The following STK3 variants were observed in gnomAD, a reference collection of about 807,000 sequenced individuals.
STK3 encodes the protein serine/threonine kinase 3.
STK3 carries 41 observed loss-of-function variants against 58.0 expected under a neutral mutation model. The observed-to-expected ratio is 0.71, with a 90% CI of 0.55 to 0.92. The LOEUF is 0.92. STK3 is among the 40% of genes least tolerant of loss of function. The pLI, the probability that STK3 is intolerant of heterozygous loss-of-function variation, is 0.00. For missense variants in STK3, 479 were observed against 602.7 expected (o/e 0.79, Z 2.15); for synonymous variants, 170 against 191.0 (o/e 0.89, Z 0.91).
At chr8:98,421,736 A>T (rs1818176026) in intron 3 of STK3, among the ~76,000 whole-genome samples, 1 of 152,174 alleles carries the variant, frequency 6.6e-6, no homozygotes, top group Non-Finnish European at 1.5e-5. Context: ...AGATCGCACC[A>T]CTGCACTACA....
chr8:98,546,687 G>C (rs1810728952), intron 9 of STK3, among the ~76,000 whole-genome samples: 1 of 152,142 alleles, frequency 6.6e-6, no homozygotes, highest in South Asian at 2.1e-4. Flanking sequence ...GCACGTTATG[G>C]ATGCAGAAAA....
intron 10 of STK3, among the ~76,000 whole-genome samples, chr8:98,499,212 T>C (rs180736215): frequency 6.6e-6 from 1 of 152,194 alleles, no homozygotes. Context: ...AAACTCTAGA[T>C]TCTCCCTTAA....
intron 1 of STK3, among the ~76,000 whole-genome samples, chr8:98,447,152 CTG>C (rs1818987506): frequency 3.3e-5 from 5 of 151,900 alleles, no homozygotes; most frequent in Admixed American, 2.6e-4. Flanking sequence ...GGCTTAGTAC[CTG>C]AATGATGAAA....
chr8:98,864,829 T>C (rs1453302225), intron 3 of STK3, among the ~76,000 whole-genome samples: 1 of 152,248 alleles, frequency 6.6e-6, no homozygotes, highest in Non-Finnish European at 1.5e-5. Context: ...ATTCTATTAC[T>C]ACTTTCATCT....
At chr8:98,753,463 C>A (rs1484624391) in intron 3 of STK3, among the ~76,000 whole-genome samples, 1 of 151,816 alleles carries the variant, frequency 6.6e-6, no homozygotes, top group East Asian at 1.9e-4. Flanking sequence ...CACACTGGGG[C>A]CTATCAGAAG....
At chr8:98,441,127 A>T (rs1818680095) in intron 1 of STK3, among the ~76,000 whole-genome samples, 1 of 152,250 alleles carries the variant, frequency 6.6e-6, no homozygotes, top group South Asian at 2.1e-4. Context: ...TTGAAATCAA[A>T]GAAATCAAAC....
At chr8:98,570,783 G>A (rs936778061) in intron 8 of STK3, among the ~76,000 whole-genome samples, 23 of 152,204 alleles carry the variant, frequency 1.5e-4, no homozygotes, top group African/African-American at 5.5e-4. Flanking sequence ...TGTTCTAGGT[G>A]TGTATATATG....
chr8:98,695,650 T>A (rs1219145944), intron 6 of STK3, among the ~76,000 whole-genome samples: 1 of 152,208 alleles, frequency 6.6e-6, no homozygotes, highest in Non-Finnish European at 1.5e-5. Context: ...AAAGATCAGA[T>A]AGTTGTAGAT....
chr8:98,843,624 G>T (rs886367712), intron 3 of STK3, among the ~76,000 whole-genome samples: 6 of 152,162 alleles, frequency 3.9e-5, no homozygotes, highest in African/African-American at 1.4e-4. Context: ...ACCTCTTCTT[G>T]TCATTGGCTC....
chr8:98,873,366 A>T (rs1837451088), intron 3 of STK3, among the ~76,000 whole-genome samples: 1 of 152,196 alleles, frequency 6.6e-6, no homozygotes, highest in Non-Finnish European at 1.5e-5. Context: ...CGCTTGGTTC[A>T]GAGTTGAGTT....
At chr8:98,521,089 T>C (rs1049264808) in intron 10 of STK3, among the ~76,000 whole-genome samples, 3 of 152,172 alleles carry the variant, frequency 2.0e-5, no homozygotes, top group African/African-American at 7.2e-5. Flanking sequence ...TACAAACATT[T>C]TCCACTTTCC....
At chr8:98,387,165 A>ACAT (rs1201244276) in intron 1 of STK3, among the ~76,000 whole-genome samples, 2 of 152,206 alleles carry the variant, frequency 1.3e-5, no homozygotes, top group African/African-American at 4.8e-5. Context: ...GTAAGATATG[A>ACAT]CATAAAGATT....
downstream of STK3, among the ~76,000 whole-genome samples, chr8:98,400,512 T>A (rs1175913649): frequency 1.3e-5 from 2 of 152,264 alleles, no homozygotes; most frequent in East Asian, 3.9e-4. Context: ...CTGCCTTCCC[T>A]GCCAACAGCC....
At chr8:98,913,728 A>T (rs1424201371) in intron 1 of STK3, among the ~76,000 whole-genome samples, 1 of 152,278 alleles carries the variant, frequency 6.6e-6, no homozygotes, top group African/African-American at 2.4e-5. Context: ...GAGGAAAATA[A>T]TCTTCCACAC....
chr8:98,774,091 C>T (rs1831505308), intron 2 of STK3, among the ~76,000 whole-genome samples: 1 of 152,114 alleles, frequency 6.6e-6, no homozygotes, highest in Admixed American at 6.6e-5. Context: ...CCACCGCGAC[C>T]GGCCTAGCTT....
intron 6 of STK3, among the ~76,000 whole-genome samples, chr8:98,679,761 T>C (rs1165032484): frequency 6.6e-6 from 1 of 152,218 alleles, no homozygotes; most frequent in African/African-American, 2.4e-5. Flanking sequence ...TCAATGAATG[T>C]CATGAAATGA....
chr8:98,680,764 A>G (rs1823571432), intron 6 of STK3, among the ~76,000 whole-genome samples: 2 of 152,196 alleles, frequency 1.3e-5, no homozygotes, highest in South Asian at 2.1e-4. Flanking sequence ...CCAAAACTAC[A>G]AACGATTTAA....
intron 1 of STK3, among the ~76,000 whole-genome samples, chr8:98,442,644 T>C (rs937773836): frequency 2.0e-5 from 3 of 152,122 alleles, no homozygotes; most frequent in African/African-American, 7.2e-5. Context: ...GCATTACGAA[T>C]AATATCATTT....
intron 6 of STK3, among the ~76,000 whole-genome samples, chr8:98,685,520 G>A (rs1252517379): frequency 6.6e-5 from 10 of 151,698 alleles, no homozygotes. Context: ...AACTGTCACT[G>A]TAATAAACCT....
Sources: gnomAD v4.1 joint callset for allele counts (sites outside exome capture counted in the v4.1 genomes callset) on GRCh38, gnomAD v4.1.1 for gene constraint, MANE v1.5 for transcripts, NCBI Gene and HGNC (gene_info 2026-07-23, HGNC 2026-07-21) for gene names.